The following IPO11 variants were observed in gnomAD, a reference collection of about 807,000 sequenced individuals.
IPO11 encodes importin 11.
A neutral mutation model predicts 143.2 loss-of-function variants in IPO11; 66 were observed. That is an observed-to-expected ratio of 0.46 (90% CI 0.38 to 0.57). The LOEUF is 0.57. Ranked by LOEUF, IPO11 falls within the 20% of genes least tolerant of loss-of-function variation. The pLI, the probability that IPO11 is intolerant of heterozygous loss-of-function variation, is 0.00. For synonymous variants in IPO11, 385 were observed against 377.8 expected, an observed-to-expected ratio of 1.02 and a Z score of -0.22; for missense variants, 1,026 against 1,141.0, an observed-to-expected ratio of 0.90 and a Z score of 1.45.
rs770027277 is a variant in IPO11 at position 62,530,770 on chromosome 5, A to T, written c.2074A>T (p.Met692Leu). 1 of 1,610,746 alleles carries T rather than the reference A, an allele frequency of 6.2e-7. No individual in the cohort carries two copies. The highest frequency in any genetic ancestry group is 1.1e-5 in the South Asian group (1 of 90,966). ...AGAGTTGCTTCGTATATTTCAGAAT[A>T]TGTCACCACTTCTTGGTATGTGTTA... Reference protein sequence around the residue: ...TPELLRIFQNMSPLLELSSEN... With the variant: ...TPELLRIFQNLSPLLELSSEN... The change falls in exon 22 of 30, where the codon ATG becomes TTG. Residue 692 changes from methionine to leucine, a missense_variant. Transcript: ENST00000325324.
At chr5:62,607,925 T>C (rs1381221795) in intron 29 of IPO11, among the ~76,000 whole-genome samples, 2 of 152,032 alleles carry the variant, frequency 1.3e-5, no homozygotes, top group African/African-American at 4.8e-5. Flanking sequence ...CAAGCGATTC[T>C]CCTGCTTCAG....
rs1416375538 is a variant in IPO11, at chr5:62,524,225, T to G, written c.1897-1917T>G. On this transcript the variant is annotated intron_variant, in intron 20 of 29. Coordinates refer to ENST00000325324, the MANE Select transcript of IPO11 (RefSeq NM_016338.5). ...GCCACTAGAATTATAAGGTATTGAATCTCTTCAAGCATTGATTAAGACAGT... is the reference window on the plus strand; with the variant it reads ...GCCACTAGAATTATAAGGTATTGAAGCTCTTCAAGCATTGATTAAGACAGT... 2.0e-5 allele frequency among the ~76,000 whole-genome samples: 3 copies of G among 152,064 alleles called. No individual in the cohort carries two copies. The East Asian group carries it at 5.8e-4, about 29-fold the overall frequency.
chr5:62,536,922 C>A, intron 23 of IPO11, 141 bp downstream of exon 23: 1 of 1,010,356 alleles, frequency 9.9e-7, no homozygotes, highest in Non-Finnish European at 1.3e-6. Flanking sequence ...GAGCATTTCC[C>A]ATTGCAGGGC....
At chr5:62,570,489 A>G (rs1744099123) in intron 27 of IPO11, among the ~76,000 whole-genome samples, 1 of 152,198 alleles carries the variant, frequency 6.6e-6, no homozygotes, top group African/African-American at 2.4e-5. Context: ...CAACCTTATG[A>G]CACTAATACA....
intron 26 of IPO11, among the ~76,000 whole-genome samples, chr5:62,559,869 T>A (rs1743708451): frequency 8.4e-6 from 1 of 118,740 alleles, no homozygotes; most frequent in Non-Finnish European, 1.6e-5. Flanking sequence ...TGAACTGAGA[T>A]CACGCCATTG....
At chr5:62,530,010 C>CT (rs985520947) in intron 21 of IPO11, among the ~76,000 whole-genome samples, 33 of 152,228 alleles carry the variant, frequency 2.2e-4, no homozygotes, top group African/African-American at 7.9e-4. Flanking sequence ...TTATAATGGC[C>CT]TTTGTTGTAC....
intron 15 of IPO11, among the ~76,000 whole-genome samples, chr5:62,491,879 C>A (rs1377232279): frequency 6.6e-6 from 1 of 151,884 alleles, no homozygotes; most frequent in Non-Finnish European, 1.5e-5. Context: ...ACTGTGTTAG[C>A]CAGGATGATC....
At chr5:62,553,117 C>G (rs977533334) in intron 26 of IPO11, among the ~76,000 whole-genome samples, 2 of 152,122 alleles carry the variant, frequency 1.3e-5, no homozygotes, top group Non-Finnish European at 2.9e-5. Context: ...TCACTTTCCC[C>G]TTACCTTTCC....
At chr5:62,557,698 T>G (rs907878991) in intron 26 of IPO11, among the ~76,000 whole-genome samples, 2 of 152,244 alleles carry the variant, frequency 1.3e-5, no homozygotes, top group African/African-American at 4.8e-5. Flanking sequence ...CACACTTCAT[T>G]GTGCTGGTAC....
chr5:62,455,469 A>T (rs776852321), intron 5 of IPO11, among the ~76,000 whole-genome samples: 3 of 152,102 alleles, frequency 2.0e-5, no homozygotes, highest in Non-Finnish European at 4.4e-5. Context: ...GCTGCAGTGA[A>T]CCGAGATTGC....
intron 27 of IPO11, among the ~76,000 whole-genome samples, chr5:62,567,234 A>G (rs1198864407): frequency 6.6e-6 from 1 of 152,094 alleles, no homozygotes; most frequent in Admixed American, 6.5e-5. Flanking sequence ...CACTTTGAAC[A>G]TGTCATCCCT....
At chr5:62,549,082 GTTGTGT>G (rs1743308370) in intron 24 of IPO11, among the ~76,000 whole-genome samples, 1 of 124,506 alleles carries the variant, frequency 8.0e-6, no homozygotes, top group South Asian at 2.7e-4. Context: ...CCCAGATCTA[GTTGTGT>G]TTTTGTTTTT....
intron 27 of IPO11, chr5:62,579,887 G>A (rs200347944): frequency 6.4e-7 from 1 of 1,550,734 alleles, no homozygotes; most frequent in Non-Finnish European, 8.7e-7. Context: ...GTTCCGAGAG[G>A]AGTATTTAAT....
chr5:62,528,555 T>C (rs749897262), intron 21 of IPO11, among the ~76,000 whole-genome samples: 4 of 151,472 alleles, frequency 2.6e-5, no homozygotes, highest in Non-Finnish European at 5.9e-5. Context: ...CAAAAAGGGG[T>C]GGGATTCAGA....
chr5:62,510,107 G>A (rs2112271696), intron 19 of IPO11, among the ~76,000 whole-genome samples: 1 of 152,262 alleles, frequency 6.6e-6, no homozygotes, highest in South Asian at 2.1e-4. Flanking sequence ...ACAGGCATGA[G>A]GTGATATCTC....
chr5:62,452,135 C>T (rs1744953932), intron 5 of IPO11, among the ~76,000 whole-genome samples: 1 of 151,480 alleles, frequency 6.6e-6, no homozygotes, highest in Non-Finnish European at 1.5e-5. Context: ...GTTCCAGCTA[C>T]TCAGGAGGCT....
At chr5:62,543,588 T>G (rs1260203142) in intron 24 of IPO11, among the ~76,000 whole-genome samples, 1 of 152,252 alleles carries the variant, frequency 6.6e-6, no homozygotes, top group Non-Finnish European at 1.5e-5. Context: ...TCTTCTTTAT[T>G]AGTCTTGCTA....
At chr5:62,442,259 T>C (rs1396990377) in intron 2 of IPO11, among the ~76,000 whole-genome samples, 1 of 152,220 alleles carries the variant, frequency 6.6e-6, no homozygotes, top group Non-Finnish European at 1.5e-5. Context: ...TTTGAATCTA[T>C]GCTGTAGTGG....
intron 18 of IPO11, 31 bp from the exon 19 acceptor site, chr5:62,506,210 C>T: frequency 8.1e-7 from 1 of 1,233,448 alleles, no homozygotes; most frequent in Non-Finnish European, 1.2e-6. Flanking sequence ...CTATTATAAA[C>T]CTTTTTTATT....
Sources: gnomAD v4.1 joint callset for allele counts (sites outside exome capture counted in the v4.1 genomes callset) on GRCh38, gnomAD v4.1.1 for gene constraint, MANE v1.5 for transcripts, NCBI Gene and HGNC (gene_info 2026-07-23, HGNC 2026-07-21) for gene names.